The following PDE7B variants were observed in gnomAD, a reference collection of about 807,000 sequenced individuals.
The protein encoded by PDE7B is phosphodiesterase 7B.
PDE7B carries 29 observed loss-of-function variants against 56.2 expected under a neutral mutation model. The ratio of observed to expected loss-of-function variants is 0.52; its 90% CI spans 0.38 to 0.70. The LOEUF (loss-of-function observed/expected upper bound fraction) is 0.70, where lower values mean the gene tolerates loss of function less well. Among genes scored for constraint, PDE7B ranks in the 30% least tolerant of loss-of-function variants. PDE7B has a pLI of 0.00. For missense variants in PDE7B, 490 were observed against 565.0 expected (o/e 0.87, Z 1.35); for synonymous variants, 197 against 196.9 (o/e 1.00, Z 0.00).
In PDE7B at chr6:136,142,549, G is replaced by A. The variant is rs529637428; in HGVS notation, c.167-4802G>A. On this transcript the variant is annotated intron_variant, in intron 3 of 12. Transcript: ENST00000308191. The stretch of plus-strand genomic sequence containing the variant: ...CTCGCTGATCTAATGTTGACAGTGG[G>A]GTGTTAAAGTCTCCCATTATTATTG... Among the ~76,000 whole-genome samples the A allele has an allele frequency of 6.4e-4, 97 of 152,200 alleles. 1 individual carries two copies. Among genetic ancestry groups the A allele is most frequent in the African/African-American group, 2.2e-3 (92 of 41,504 alleles).
intron 2 of PDE7B, chr6:136,094,856 AG>A (rs1385069923): frequency 2.0e-5 from 3 of 152,220 alleles, no homozygotes; most frequent in African/African-American, 4.8e-5. Flanking sequence ...AGTCCAAAAA[AG>A]AAATTAGAAC....
chr6:136,181,017 C>T (rs112819045), intron 10 of PDE7B, among the ~76,000 whole-genome samples: 7 of 152,332 alleles, frequency 4.6e-5, no homozygotes, highest in African/African-American at 1.4e-4. Flanking sequence ...CTTCTCTCCT[C>T]ACTGCTATAA....
chr6:136,060,974 C>T (rs1023940204), intron 2 of PDE7B, among the ~76,000 whole-genome samples: 1 of 152,168 alleles, frequency 6.6e-6, no homozygotes, highest in African/African-American at 2.4e-5. Context: ...TTGTGCCATG[C>T]ATAGTGACTG....
At chr6:136,041,104 A>C (rs144847963) in intron 2 of PDE7B, among the ~76,000 whole-genome samples, 6 of 152,358 alleles carry the variant, frequency 3.9e-5, no homozygotes, top group African/African-American at 9.6e-5. Context: ...AAACCATGAA[A>C]TTGCAGAAAT....
intron 1 of PDE7B, among the ~76,000 whole-genome samples, chr6:135,926,330 G>A (rs1340105397): frequency 2.0e-5 from 3 of 152,044 alleles, no homozygotes; most frequent in Non-Finnish European, 2.9e-5. Flanking sequence ...CTCGTGATCT[G>A]CCCACCTTGG....
intron 2 of PDE7B, chr6:136,037,614 G>T: frequency 1.0e-6 from 1 of 985,422 alleles, no homozygotes; most frequent in Non-Finnish European, 1.2e-6. Flanking sequence ...AGCTTCCTCT[G>T]TTTTTTTGAG....
chr6:136,087,200 C>T (rs1777307928), intron 2 of PDE7B, among the ~76,000 whole-genome samples: 2 of 152,054 alleles, frequency 1.3e-5, no homozygotes, highest in African/African-American at 4.8e-5. Context: ...CATCTTACGT[C>T]GATTAATGGA....
rs1562508366 is a variant in PDE7B, at chr6:136,156,202, T to TG, written c.711+444_711+445insG. 1.8e-5 allele frequency: 6 copies of TG among 324,648 alleles called. 1 individual carries two copies. The highest frequency in any genetic ancestry group is 4.4e-5 in the African/African-American group (2 of 45,394). 20.1% of individuals were successfully genotyped at this position (324,648 alleles called of 1,614,324 possible). On this transcript the variant is annotated intron_variant, in intron 8 of 12. Transcript: ENST00000308191. ...GTGTGTGTGTGTGTGTGTGTGTGTG[T>TG]TTTCAGAAACAGGGTCTTGCTTTCT...
At chr6:136,061,713 G>T (rs915864097) in intron 2 of PDE7B, among the ~76,000 whole-genome samples, 1 of 152,140 alleles carries the variant, frequency 6.6e-6, no homozygotes, top group Non-Finnish European at 1.5e-5. Flanking sequence ...ATCAATGCTG[G>T]GCATAGTACC....
intron 2 of PDE7B, among the ~76,000 whole-genome samples, chr6:136,062,049 G>C (rs1447370682): frequency 6.6e-6 from 1 of 152,200 alleles, no homozygotes; most frequent in Non-Finnish European, 1.5e-5. Flanking sequence ...ATAGAGCCGA[G>C]CAAAGCTCTG....
intron 2 of PDE7B, among the ~76,000 whole-genome samples, chr6:136,022,260 T>A (rs1776085566): frequency 6.6e-6 from 1 of 152,216 alleles, no homozygotes; most frequent in Non-Finnish European, 1.5e-5. Flanking sequence ...TGGTTAATGT[T>A]TTTGTGTGCT....
chr6:136,142,639 A>G lies in PDE7B; in HGVS notation c.167-4712A>G, dbSNP rs549664250. Reference sequence around the variant, plus strand: ...GCTTTATGAATCTGGGTGCTCCTGTATTGGGTGCATATATATTTAGGATAG... The same window carrying G: ...GCTTTATGAATCTGGGTGCTCCTGTGTTGGGTGCATATATATTTAGGATAG... On this transcript the variant is annotated intron_variant, in intron 3 of 12. Coordinates refer to ENST00000308191, the MANE Select transcript of PDE7B (RefSeq NM_018945.4). 1.8e-3 allele frequency among the ~76,000 whole-genome samples: 271 copies of G among 152,246 alleles called. 2 individuals carry two copies. The highest frequency in any genetic ancestry group is 6.2e-3 in the African/African-American group (258 of 41,540).
intron 1 of PDE7B, among the ~76,000 whole-genome samples, chr6:135,859,649 T>C (rs1462393999): frequency 1.3e-5 from 2 of 152,064 alleles, no homozygotes; most frequent in Non-Finnish European, 2.9e-5. Context: ...TTTCATTGAA[T>C]ATGTTGCCCC....
At chr6:136,067,855 G>A (rs1248953744) in intron 2 of PDE7B, among the ~76,000 whole-genome samples, 9 of 152,072 alleles carry the variant, frequency 5.9e-5, no homozygotes, top group Admixed American at 5.2e-4. Context: ...TGAGATGAGT[G>A]GAACACACAC....
intron 2 of PDE7B, among the ~76,000 whole-genome samples, chr6:136,098,787 T>G (rs1419200014): frequency 6.6e-6 from 1 of 152,000 alleles, no homozygotes; most frequent in Non-Finnish European, 1.5e-5. Flanking sequence ...TTTTTTTTTT[T>G]TATTATTCTT....
intron 5 of PDE7B, among the ~76,000 whole-genome samples, chr6:136,150,252 C>A (rs990810114): frequency 6.6e-6 from 1 of 152,164 alleles, no homozygotes; most frequent in African/African-American, 2.4e-5. Context: ...TTATAAGTAG[C>A]CGCAAAATCG....
intron 4 of PDE7B, among the ~76,000 whole-genome samples, 178 bp downstream of exon 4, chr6:136,147,680 C>T (rs1242379916): frequency 1.3e-5 from 2 of 152,160 alleles, no homozygotes; most frequent in African/African-American, 4.8e-5. Flanking sequence ...AGAAACATCC[C>T]CCTTATGAGG....
chr6:136,174,179 T>C (rs1422514931), intron 9 of PDE7B, among the ~76,000 whole-genome samples: 1 of 152,202 alleles, frequency 6.6e-6, no homozygotes, highest in Non-Finnish European at 1.5e-5. Flanking sequence ...TGCTCGACTT[T>C]GCCAAATTCC....
intron 2 of PDE7B, among the ~76,000 whole-genome samples, chr6:136,056,510 T>C (rs965596121): frequency 4.8e-5 from 6 of 125,542 alleles, no homozygotes; most frequent in African/African-American, 1.8e-4. Flanking sequence ...GCAGATAGAA[T>C]CCTTTTTTTT....
Sources: allele counts gnomAD v4.1 joint callset (sites outside exome capture counted in the v4.1 genomes callset), GRCh38; gene constraint gnomAD v4.1.1; transcripts MANE v1.5; gene names NCBI Gene and HGNC (gene_info 2026-07-23, HGNC 2026-07-21).